TSPAN9: variants seen among roughly 807,000 people sequenced by gnomAD.
TSPAN9 encodes the protein tetraspanin 9, also known as tetraspanin-9.
TSPAN9 carries 16 observed loss-of-function variants against 31.0 expected under a neutral mutation model. The observed-to-expected ratio is 0.52, with a 90% CI of 0.35 to 0.78. The LOEUF is 0.78. Ranked by LOEUF, TSPAN9 falls within the 30% of genes least tolerant of loss-of-function variation. The pLI, the probability that TSPAN9 is intolerant of heterozygous loss-of-function variation, is 0.01. For synonymous variants in TSPAN9, 145 were observed against 121.6 expected (o/e 1.19, Z -1.27); for missense variants, 272 against 312.5 (o/e 0.87, Z 0.98).
In TSPAN9 at chr12:3,137,303, G is replaced by T. The variant is rs796674751; in HGVS notation, c.-18+53584G>T. On this transcript the variant is annotated intron_variant, in intron 2 of 8. Transcript: ENST00000011898. Reference sequence around the variant, plus strand: ...AGCTGGGCCCTGCCCACGTTTCCCCGGGCCACGCTCTCCTGGCTGCCCCAG... The same window carrying T: ...AGCTGGGCCCTGCCCACGTTTCCCCTGGCCACGCTCTCCTGGCTGCCCCAG... Among the ~76,000 whole-genome samples, 3 of 152,280 alleles carry T rather than the reference G, an allele frequency of 2.0e-5. No homozygotes were observed. In the South Asian group the frequency reaches 6.2e-4, roughly 32 times the overall value.
chr12:3,212,881 G>T (rs554485214), intron 3 of TSPAN9, among the ~76,000 whole-genome samples: 29 of 152,218 alleles, frequency 1.9e-4, no homozygotes, highest in Non-Finnish European at 4.0e-4. Context: ...AGGGTGAAAA[G>T]GAGAGGGCTC....
At chr12:3,117,120 T>G (rs1049597318) in intron 2 of TSPAN9, among the ~76,000 whole-genome samples, 1 of 152,200 alleles carries the variant, frequency 6.6e-6, no homozygotes, top group Non-Finnish European at 1.5e-5. Context: ...AAACATAAAA[T>G]TCCAGCTAAG....
chr12:3,168,735 T>C lies in TSPAN9; in HGVS notation c.-17-32442T>C, dbSNP rs11829838. On this transcript the variant is annotated intron_variant, in intron 2 of 8. Transcript: ENST00000011898. The surrounding 1 kb of genome is among the most constrained non-coding windows in gnomAD (Gnocchi z 4.0). ...ATCTTAATTCTCTTCCCAGACCAGG[T>C]CCTGTCTCTCTGGGAAGCTGAGGCC... 0.032 allele frequency among the ~76,000 whole-genome samples: 4,801 copies of C among 152,228 alleles called. 258 individuals carry two copies. Among genetic ancestry groups the C allele is most frequent in the African/African-American group, 0.11 (4,543 of 41,526 alleles).
chr12:3,193,737 T>C (rs1042448031), intron 2 of TSPAN9, among the ~76,000 whole-genome samples: 1 of 152,228 alleles, frequency 6.6e-6, no homozygotes, highest in Non-Finnish European at 1.5e-5. Flanking sequence ...CCACTCCGAA[T>C]GGGCAGAGGT....
chr12:3,102,537 ATG>A (rs2098312339), intron 2 of TSPAN9, among the ~76,000 whole-genome samples: 1 of 150,148 alleles, frequency 6.7e-6, no homozygotes, highest in African/African-American at 2.5e-5. Flanking sequence ...CACCAGGTTC[ATG>A]CCATTCTCCT....
At chr12:3,278,272 G>A in intron 3 of TSPAN9, 149 bp from the exon 4 acceptor site, 1 of 1,094,476 alleles carries the variant, frequency 9.1e-7, no homozygotes, top group Non-Finnish European at 1.3e-6. Flanking sequence ...CATGCTTCGG[G>A]TCTGCAGCCC....
intron 2 of TSPAN9, among the ~76,000 whole-genome samples, chr12:3,188,443 G>A (rs2098362645): frequency 6.6e-6 from 1 of 152,120 alleles, no homozygotes; most frequent in Admixed American, 6.5e-5. Flanking sequence ...CTGCACCAGG[G>A]TGCTAGTCAG....
intron 2 of TSPAN9, among the ~76,000 whole-genome samples, chr12:3,103,089 A>G (rs146581998): frequency 4.6e-5 from 7 of 152,272 alleles, no homozygotes; most frequent in African/African-American, 1.7e-4. Flanking sequence ...ACATGATATA[A>G]TCCCAGTCAG....
intron 3 of TSPAN9, among the ~76,000 whole-genome samples, chr12:3,209,421 C>G (rs1054982588): frequency 6.6e-6 from 1 of 152,198 alleles, no homozygotes; most frequent in South Asian, 2.1e-4. Flanking sequence ...AACAACACTT[C>G]TGTAAACATT....
intron 3 of TSPAN9, among the ~76,000 whole-genome samples, chr12:3,264,906 T>C (rs1340666695): frequency 6.6e-6 from 1 of 152,210 alleles, no homozygotes; most frequent in African/African-American, 2.4e-5. Context: ...CCTGGAACTT[T>C]AACCGGGTCT....
chr12:3,183,685 C>G (rs1353817180), intron 2 of TSPAN9, among the ~76,000 whole-genome samples: 4 of 152,164 alleles, frequency 2.6e-5, no homozygotes, highest in Admixed American at 2.6e-4. Context: ...CATTCATCAC[C>G]AAATACCCAA....
At chr12:3,226,066 C>T (rs536847339) in intron 3 of TSPAN9, among the ~76,000 whole-genome samples, 4 of 151,912 alleles carry the variant, frequency 2.6e-5, no homozygotes, top group East Asian at 1.9e-4. Flanking sequence ...TCTCTCCTGC[C>T]GAAGTCTGTA....
chr12:3,262,152 A>C (rs768151908), intron 3 of TSPAN9, among the ~76,000 whole-genome samples: 39 of 152,234 alleles, frequency 2.6e-4, no homozygotes, highest in Non-Finnish European at 5.1e-4. Context: ...CGCCACGTGG[A>C]TGGCAGTGGC....
At chr12:3,136,836 G>A (rs903295326) in intron 2 of TSPAN9, among the ~76,000 whole-genome samples, 2 of 151,724 alleles carry the variant, frequency 1.3e-5, no homozygotes, top group East Asian at 1.9e-4. Flanking sequence ...TCAGCTGGAG[G>A]CAGGGGTGGG....
intron 2 of TSPAN9, among the ~76,000 whole-genome samples, chr12:3,108,639 T>TC (rs934261342): frequency 2.6e-5 from 4 of 152,192 alleles, no homozygotes; most frequent in South Asian, 2.1e-4. Flanking sequence ...ATGGTCTCCT[T>TC]CCCCCGTTTT....
At chr12:3,099,840 CT>C (rs899603509) in intron 2 of TSPAN9, among the ~76,000 whole-genome samples, 4,402 of 123,614 alleles carry the variant, frequency 0.036, 188 homozygotes, top group African/African-American at 0.12. Flanking sequence ...TCTGTCCACT[CT>C]TTTTTTTTTT....
chr12:3,125,801 G>A (rs748532157), intron 2 of TSPAN9, among the ~76,000 whole-genome samples: 5 of 152,066 alleles, frequency 3.3e-5, no homozygotes, highest in East Asian at 1.9e-4. Context: ...CTGACAATAC[G>A]TTTGAAACTG....
chr12:3,250,425 A>G (rs1412904237), intron 3 of TSPAN9, among the ~76,000 whole-genome samples: 1 of 152,176 alleles, frequency 6.6e-6, no homozygotes, highest in African/African-American at 2.4e-5. Flanking sequence ...AATGGAGTTC[A>G]TGCCTTTTTA....
chr12:3,223,916 TCTC>T (rs1425333705), intron 3 of TSPAN9, among the ~76,000 whole-genome samples: 1 of 152,022 alleles, frequency 6.6e-6, no homozygotes, highest in African/African-American at 2.4e-5. Flanking sequence ...CTGGGTTCCA[TCTC>T]CTGAAATTCT....
Sources: allele counts gnomAD v4.1 joint callset (sites outside exome capture counted in the v4.1 genomes callset), GRCh38; gene constraint gnomAD v4.1.1; non-coding constraint Gnocchi (gnomAD v3.1); transcripts MANE v1.5; gene names NCBI Gene and HGNC (gene_info 2026-07-23, HGNC 2026-07-21).